PCDHGB2: variants seen among roughly 807,000 people sequenced by gnomAD.
PCDHGB2 encodes the protein protocadherin gamma subfamily B, 2, also known as protocadherin gamma-B2.
In PCDHGB2, 55 loss-of-function variants were observed where a neutral mutation model predicts 59.3. The observed-to-expected ratio is 0.93, with a 90% CI of 0.75 to 1.16. The LOEUF is 1.16. Ranked by LOEUF, PCDHGB2 falls within the 50% of genes most tolerant of loss-of-function variation. The pLI is 0.00. For missense variants in PCDHGB2, 1,228 were observed against 1,198.5 expected (o/e 1.02, Z -0.36); for synonymous variants, 516 against 512.0 (o/e 1.01, Z -0.11).
intron 1 of PCDHGB2, among the ~76,000 whole-genome samples, chr5:141,368,366 C>CAT (rs1765610966): frequency 6.6e-6 from 1 of 151,978 alleles, no homozygotes; most frequent in African/African-American, 2.4e-5. Context: ...TATATACACA[C>CAT]ATATATATAC....
rs768974376 is a variant in PCDHGB2, at chr5:141,361,369, C to G, written c.1234C>G (p.Arg412Gly). 1.9e-6 allele frequency: 3 copies of G among 1,613,948 alleles called. No individual in the cohort carries two copies. The highest frequency in any genetic ancestry group is 1.3e-5 in the African/African-American group (1 of 75,036). Residue 412 changes from arginine to glycine, a missense_variant, in exon 1 of 4, where the codon CGG becomes GGG. Transcript: ENST00000522605. ...YKLVTDGALD[R>G]EEIPEYNLTI... ...ACTAGTGACAGACGGCGCTCTGGACCGGGAGGAGATCCCAGAATACAATCT... is the reference window on the plus strand; with the variant it reads ...ACTAGTGACAGACGGCGCTCTGGACGGGGAGGAGATCCCAGAATACAATCT...
intron 1 of PCDHGB2, chr5:141,415,752 T>TG: frequency 1.6e-5 from 22 of 1,372,540 alleles, no homozygotes; most frequent in Middle Eastern, 2.6e-4. Flanking sequence ...TTTTTTTTTT[T>TG]TTTTTTTTTT....
rs190948188 is a variant in PCDHGB2 at position 141,505,972 on chromosome 5, C to T, written c.2569+491C>T. Among the ~76,000 whole-genome samples the T allele has an allele frequency of 5.4e-4, 82 of 152,250 alleles. 1 individual carries two copies. The highest frequency in any genetic ancestry group is 1.9e-3 in the African/African-American group (79 of 41,558). ...GAAAGTGGGTGTAGAAATCCCCAGC[C>T]GAGAGAACACCTCCTCTTTATGCGA... On this transcript the variant is annotated intron_variant, in intron 3 of 3. Transcript: ENST00000522605.
At chr5:141,380,735 C>T (rs973708229) in intron 1 of PCDHGB2, among the ~76,000 whole-genome samples, 1 of 152,066 alleles carries the variant, frequency 6.6e-6, no homozygotes, top group African/African-American at 2.4e-5. Flanking sequence ...TTCCTTTTCT[C>T]CAAAGAAGGT....
chr5:141,404,291 G>C, intron 1 of PCDHGB2: 1 of 1,613,956 alleles, frequency 6.2e-7, no homozygotes, highest in Non-Finnish European at 8.5e-7. Context: ...TGACATCAAT[G>C]ATAATCCACC....
chr5:141,425,576 G>A (rs2096883993), intron 1 of PCDHGB2, among the ~76,000 whole-genome samples: 1 of 152,166 alleles, frequency 6.6e-6, no homozygotes, highest in Non-Finnish European at 1.5e-5. Flanking sequence ...GAAGGGTTTG[G>A]CTAACTTTAT....
chr5:141,399,865 C>T, intron 1 of PCDHGB2: 1 of 1,612,866 alleles, frequency 6.2e-7, no homozygotes, highest in African/African-American at 1.3e-5. Flanking sequence ...CGCTGCAGAG[C>T]CCGGCTACCT....
intron 1 of PCDHGB2, among the ~76,000 whole-genome samples, chr5:141,407,336 G>A (rs1005803062): frequency 6.6e-6 from 1 of 152,240 alleles, no homozygotes; most frequent in Admixed American, 6.5e-5. Flanking sequence ...ATATTGAAAT[G>A]TATGTTAATT....
At chr5:141,410,619 C>G in intron 1 of PCDHGB2, 1 of 1,603,732 alleles carries the variant, frequency 6.2e-7, no homozygotes, top group Admixed American at 1.7e-5. Context: ...ACTCTGACTT[C>G]GGTGAGTTTC....
intron 1 of PCDHGB2, chr5:141,415,868 G>A: frequency 9.2e-7 from 1 of 1,090,360 alleles, no homozygotes; most frequent in Non-Finnish European, 1.2e-6. Flanking sequence ...TTATAGTGTT[G>A]TTGAGTACAA....
At chr5:141,400,467 ATCTGGGGCCTTATT>A in intron 1 of PCDHGB2, 1 of 1,614,042 alleles carries the variant, frequency 6.2e-7, no homozygotes, top group Non-Finnish European at 8.5e-7. Flanking sequence ...GTGGTGATTC[ATCTGGGGCCTTATT>A]TCCACTTTGT....
chr5:141,372,510 G>A, intron 1 of PCDHGB2: 1 of 1,613,998 alleles, frequency 6.2e-7, no homozygotes, highest in South Asian at 1.1e-5. Context: ...CTTCCTCCTC[G>A]CGGTGATTCT....
intron 1 of PCDHGB2, chr5:141,415,748 T>A: frequency 9.9e-7 from 1 of 1,008,964 alleles, no homozygotes; most frequent in Non-Finnish European, 1.2e-6. Context: ...AGGTTTTTTT[T>A]TTTTTTTTTT....
intron 1 of PCDHGB2, chr5:141,371,956 A>G (rs1410520873): frequency 6.2e-7 from 1 of 1,613,272 alleles, no homozygotes; most frequent in South Asian, 1.1e-5. Context: ...CGAGCCTTCG[A>G]CCACGAGCAG....
chr5:141,450,071 A>G (rs1039802551), intron 1 of PCDHGB2, among the ~76,000 whole-genome samples: 3 of 139,286 alleles, frequency 2.2e-5, no homozygotes, highest in Non-Finnish European at 3.0e-5. Flanking sequence ...CAGTGGTATG[A>G]TCTTGGCTCA....
intron 1 of PCDHGB2, chr5:141,394,873 C>T (rs376612124): frequency 6.8e-6 from 11 of 1,613,708 alleles, no homozygotes; most frequent in Non-Finnish European, 8.5e-6. Context: ...CCGAACGATT[C>T]GAGCCTTACA....
chr5:141,388,712 G>C (rs1345089798), intron 1 of PCDHGB2: 6 of 1,613,868 alleles, frequency 3.7e-6, no homozygotes, highest in Non-Finnish European at 5.1e-6. Flanking sequence ...TCAATGCCGA[G>C]ATTACTTTCT....
At position 141,493,157 on chromosome 5, in the gene PCDHGB2, T is replaced by C. The variant is rs1261889479; in HGVS notation, c.2422-1650T>C. ...TTGAAACACCCCCAGGTGATTTTGATAGCTGATTGAGAGAAACTTACTATA... is the reference window on the plus strand; with the variant it reads ...TTGAAACACCCCCAGGTGATTTTGACAGCTGATTGAGAGAAACTTACTATA... On this transcript the variant is annotated intron_variant, in intron 1 of 3. Coordinates refer to ENST00000522605, the MANE Select transcript of PCDHGB2 (RefSeq NM_018923.3). This position sits in a 1 kb window ranked among gnomAD's most constrained non-coding sequence, Gnocchi z 4.3. 2.0e-5 allele frequency among the ~76,000 whole-genome samples: 3 copies of C among 152,224 alleles called. No individual in the cohort carries two copies. Among genetic ancestry groups the C allele is most frequent in the Admixed American group, 6.5e-5 (1 of 15,286 alleles).
At chr5:141,455,430 G>C (rs190218223) in intron 1 of PCDHGB2, among the ~76,000 whole-genome samples, 1 of 152,274 alleles carries the variant, frequency 6.6e-6, no homozygotes, top group Admixed American at 6.5e-5. Flanking sequence ...CTCCAAAAGA[G>C]GAGGTCCCCA....
Sources: allele counts gnomAD v4.1 joint callset (sites outside exome capture counted in the v4.1 genomes callset), GRCh38; gene constraint gnomAD v4.1.1; non-coding constraint Gnocchi (gnomAD v3.1); transcripts MANE v1.5; gene names NCBI Gene and HGNC (gene_info 2026-07-23, HGNC 2026-07-21).